LAG3: variants seen among roughly 807,000 people sequenced by gnomAD.
The protein encoded by LAG3 is lymphocyte activating 3.
In LAG3, 29 loss-of-function variants were observed where a neutral mutation model predicts 49.0. That is an observed-to-expected ratio of 0.59 (90% CI 0.44 to 0.81). LAG3 has a LOEUF of 0.81. Among genes scored for constraint, LAG3 ranks in the 30% least tolerant of loss-of-function variants. The probability of loss-of-function intolerance (pLI) is 0.00; values close to 1 mark genes in which losing one functional copy is unlikely to be tolerated. For missense variants in LAG3, 693 were observed against 695.2 expected, an observed-to-expected ratio of 1.00 and a Z score of 0.04; for synonymous variants, 320 against 297.3, an observed-to-expected ratio of 1.08 and a Z score of -0.79.
At position 6,774,731 on chromosome 12, in the gene LAG3, C is replaced by T; in HGVS notation, c.648C>T (p.Ser216=). The T allele has an allele frequency of 6.2e-7, 1 of 1,614,152 alleles. No individual in the cohort carries two copies. Among genetic ancestry groups the T allele is most frequent in the Non-Finnish European group, 8.5e-7 (1 of 1,180,020 alleles). Residue 216 remains serine (S), a synonymous_variant, in exon 4 of 8, where the codon TCC becomes TCT. Coordinates refer to ENST00000203629, the MANE Select transcript of LAG3 (RefSeq NM_002286.6). ...AGGGCCGAGTCCCTGTCCGGGAGTC[C>T]CCCCATCACCACTTAGCGGAAAGCT... The part of the protein sequence containing the change: ...RGQGRVPVRE[S]PHHHLAESFL...
Position 6,778,433 on chromosome 12 carries a change from A to G in LAG3, c.*43A>G, listed in dbSNP as rs749729808. 8 of 1,591,160 alleles carry G rather than the reference A, an allele frequency of 5.0e-6. No homozygotes were observed. The highest frequency in any genetic ancestry group is 1.3e-5 in the African/African-American group (1 of 74,356). On this transcript the variant is annotated 3_prime_UTR_variant, in exon 8 of 8. Transcript: ENST00000203629. The stretch of plus-strand genomic sequence containing the variant: ...CAGCAGATCTCAGCAGCCCAGTCCA[A>G]ATAAACTCCCTGTCAGCAGCAAGCC...
At chr12:6,775,723 G>A (rs775346053) in intron 5 of LAG3, 175 bp downstream of exon 5, 14 of 626,076 alleles carry the variant, frequency 2.2e-5, no homozygotes, top group East Asian at 1.7e-4. Context: ...ATAAAGAAAC[G>A]AAACTGAAAA....
At chr12:6,777,639 G>A (rs1413764545) in intron 6 of LAG3, 133 bp downstream of exon 6, 1 of 1,463,118 alleles carries the variant, frequency 6.8e-7, no homozygotes, top group East Asian at 2.4e-5. Flanking sequence ...CTTTTGCCTA[G>A]GGTTGACCCG....
At chr12:6,778,105 G>A in intron 7 of LAG3, 139 bp from the exon 8 acceptor site, 2 of 1,307,556 alleles carry the variant, frequency 1.5e-6, no homozygotes, top group East Asian at 2.5e-5. Flanking sequence ...TGGAAGGGGG[G>A]TTGGGAGAAA....
In LAG3 at chr12:6,777,279, T is replaced by C; in HGVS notation, c.1073T>C (p.Phe358Ser). 1 of 1,614,142 alleles carries C rather than the reference T, an allele frequency of 6.2e-7. No individual in the cohort carries two copies. The highest frequency in any genetic ancestry group is 8.5e-7 in the Non-Finnish European group (1 of 1,180,018). ...LAIITVTPKS[F>S]GSPGSLGKLL... ...CTCTTTTCAGTGACTCCCAAATCCTTTGGGTCACCTGGATCCCTGGGGAAG... is the reference window on the plus strand; with the variant it reads ...CTCTTTTCAGTGACTCCCAAATCCTCTGGGTCACCTGGATCCCTGGGGAAG... The change falls in exon 6 of 8, where the codon TTT becomes TCT. Residue 358 changes from phenylalanine (F) to serine (S), a missense_variant. Phe to Ser is a radical substitution (Grantham distance 155, BLOSUM62 -2). Coordinates refer to ENST00000203629, the MANE Select transcript of LAG3 (RefSeq NM_002286.6).
chr12:6,777,220 G>A (rs759079192), intron 5 of LAG3, 44 bp from the exon 6 acceptor site: 3 of 1,611,662 alleles, frequency 1.9e-6, no homozygotes, highest in Non-Finnish European at 8.5e-7. Context: ...TATCACGTAA[G>A]GGGGGCAGAA....
chr12:6,777,395 T>C lies in LAG3; in HGVS notation c.1189T>C (p.Trp397Arg), dbSNP rs756230370. The change falls in exon 6 of 8, where the codon TGG becomes CGG. Residue 397 changes from tryptophan to arginine, a missense_variant. Transcript: ENST00000203629. ...ATCCCAGAGGAGTTTCTCAGGACCTTGGCTGGAGGCACAGGAGGCCCAGCT... is the reference window on the plus strand; with the variant it reads ...ATCCCAGAGGAGTTTCTCAGGACCTCGGCTGGAGGCACAGGAGGCCCAGCT... ...TPSQRSFSGP[W>R]LEAQEAQLLS... The C allele has an allele frequency of 5.0e-6, 8 of 1,614,182 alleles. No homozygotes were observed. In the South Asian group the frequency reaches 7.7e-5, roughly 16 times the overall value.
chr12:6,774,150 C>T, intron 3 of LAG3, 149 bp downstream of exon 3: 1 of 1,268,392 alleles, frequency 7.9e-7, no homozygotes, highest in Non-Finnish European at 1.0e-6. Context: ...GGGCGGCCTG[C>T]TGGAGTGGAA....
chr12:6,774,865 G>C lies in LAG3; in HGVS notation c.781+1G>C. 6.2e-7 allele frequency: 1 copy of C among 1,609,930 alleles called. No individual in the cohort carries two copies. Among genetic ancestry groups the C allele is most frequent in the Non-Finnish European group, 8.5e-7 (1 of 1,176,770 alleles). ...ATCATGTATAACCTCACTGTTCTGG[G>C]TAACTCCCCCACTCTGCTTCACATT... On this transcript the variant is annotated splice_donor_variant, in intron 4 of 7. Coordinates refer to ENST00000203629, the MANE Select transcript of LAG3 (RefSeq NM_002286.6). LOFTEE classifies it high-confidence loss of function.
chr12:6,773,456 T>A lies in LAG3; in HGVS notation c.206+117T>A. 2 of 1,300,912 alleles carry A rather than the reference T, an allele frequency of 1.5e-6. No individual in the cohort carries two copies. Among genetic ancestry groups the A allele is most frequent in the Non-Finnish European group, 2.1e-6 (2 of 942,942 alleles). The allele number at this position is 1,300,912 out of a possible 1,614,324, so 80.6% of individuals were successfully genotyped here. A position where few individuals can be genotyped will look rare whatever the true frequency, so the allele number is the denominator to read the frequency against. On this transcript the variant is annotated intron_variant, in intron 2 of 7. Coordinates refer to ENST00000203629, the MANE Select transcript of LAG3 (RefSeq NM_002286.6). This position sits in a 1 kb window ranked among gnomAD's most constrained non-coding sequence, Gnocchi z 5.5. ...ACTCCCTCTGAAGCCAGTGACCCAG[T>A]CTCCCTGCCCTCGCTTGCACCGTTC...
At position 6,773,873 on chromosome 12, in the gene LAG3, A is replaced by C; in HGVS notation, c.383A>C (p.Gln128Pro). 1 of 1,400,364 alleles carries C rather than the reference A, an allele frequency of 7.1e-7. No homozygotes were observed. Among genetic ancestry groups the C allele is most frequent in the Non-Finnish European group, 9.2e-7 (1 of 1,085,564 alleles). The allele number at this position is 1,400,364 out of a possible 1,614,324, so 86.7% of individuals were successfully genotyped here. A position where few individuals can be genotyped will look rare whatever the true frequency, so the allele number is the denominator to read the frequency against. ...GTCCAGCTGGATGAGCGCGGCCGGC[A>C]GCGCGGGGACTTCTCGCTATGGCTG... is the stretch of plus-strand genomic sequence containing the variant. ...PRVQLDERGR[Q>P]RGDFSLWLRP... Residue 128 changes from glutamine (Q) to proline (P), a missense_variant, in exon 3 of 8, where the codon CAG becomes CCG. Physicochemically the swap from Gln to Pro is moderately conservative, Grantham distance 76. Transcript: ENST00000203629. This position sits in a 1 kb window ranked among gnomAD's most constrained non-coding sequence, Gnocchi z 5.5.
intron 3 of LAG3, 123 bp downstream of exon 3, chr12:6,774,124 A>G (rs1941876405): frequency 4.0e-5 from 53 of 1,314,628 alleles, no homozygotes; most frequent in Non-Finnish European, 5.0e-5. Context: ...CTCCCAGAAG[A>G]GTAGAGGAAG....
rs1941867383 is a variant in LAG3 at position 6,773,569 on chromosome 12, GT to G, written c.207-127del. On this transcript the variant is annotated intron_variant, in intron 2 of 7. Transcript: ENST00000203629. This position sits in a 1 kb window ranked among gnomAD's most constrained non-coding sequence, Gnocchi z 5.5. ...GGCCAGTCCAACAGAGGGGTCGGGC[GT>G]GAGGGGACGGTTGGTGGTCAAGAGA... 8.3e-7 allele frequency: 1 copy of G among 1,207,426 alleles called. No individual in the cohort carries two copies. The highest frequency in any genetic ancestry group is 1.1e-6 in the Non-Finnish European group (1 of 924,160). The allele number at this position is 1,207,426 out of a possible 1,614,324, so 74.8% of individuals were successfully genotyped here. A position where few individuals can be genotyped will look rare whatever the true frequency, so the allele number is the denominator to read the frequency against.
intron 5 of LAG3, chr12:6,775,794 A>G (rs1941901260): frequency 4.0e-6 from 2 of 503,900 alleles, no homozygotes; most frequent in Admixed American, 3.4e-5. Flanking sequence ...CCTGCTCTCA[A>G]TTGGCGGGAG....
intron 5 of LAG3, among the ~76,000 whole-genome samples, chr12:6,777,057 C>G (rs1941912834): frequency 6.6e-6 from 1 of 152,090 alleles, no homozygotes; most frequent in Admixed American, 6.5e-5. Flanking sequence ...GCCTGGGCAA[C>G]ATGGTGAAAA....
intron 4 of LAG3, 28 bp from the exon 5 acceptor site, chr12:6,775,245 T>G: frequency 2.5e-6 from 4 of 1,601,898 alleles, no homozygotes; most frequent in Middle Eastern, 1.9e-4. Flanking sequence ...GCACCCAGCT[T>G]TAACTTTGGG....
In LAG3 at chr12:6,774,556, T is replaced by C. The variant is rs201769189; in HGVS notation, c.512-39T>C. 3.6e-3 allele frequency: 5,625 copies of C among 1,581,924 alleles called. 43 individuals are homozygous for C. Among genetic ancestry groups the C allele is most frequent in the South Asian group, 0.022 (1,958 of 87,462 alleles). ...CAGCCCTGCTGTGTTGGGAAATTGT[T>C]TCCAGTGGGCTGATGAAGTCTTCTT... On this transcript the variant is annotated intron_variant, in intron 3 of 7. Transcript: ENST00000203629.
rs1565482012 is a variant in LAG3, at chr12:6,774,909, G to A, written c.781+45G>A. 4 of 1,565,880 alleles carry A rather than the reference G, an allele frequency of 2.6e-6. No individual in the cohort carries two copies. The South Asian group carries it at 3.5e-5, about 14-fold the overall frequency. ...TCACATTTGACCACAACTCCTTCCT[G>A]CCCCCCTTGTCACCTCCCCTAACTA... is the stretch of plus-strand genomic sequence containing the variant. On this transcript the variant is annotated intron_variant, in intron 4 of 7. Coordinates refer to ENST00000203629, the MANE Select transcript of LAG3 (RefSeq NM_002286.6).
intron 4 of LAG3, 78 bp downstream of exon 4, chr12:6,774,942 C>T (rs549618226): frequency 5.5e-5 from 79 of 1,427,232 alleles, no homozygotes; most frequent in Non-Finnish European, 7.0e-5. Flanking sequence ...CTATGGGTCC[C>T]CAAACCAGGT....
Sources: allele counts gnomAD v4.1 joint callset (sites outside exome capture counted in the v4.1 genomes callset), GRCh38; gene constraint gnomAD v4.1.1; non-coding constraint Gnocchi (gnomAD v3.1); transcripts MANE v1.5; gene names NCBI Gene and HGNC (gene_info 2026-07-23, HGNC 2026-07-21).